DDX3X: variants seen among roughly 807,000 people sequenced by gnomAD.
DDX3X encodes DEAD-box helicase 3 X-linked.
DDX3X carries 4 observed loss-of-function variants against 52.7 expected under a neutral mutation model. The ratio of observed to expected loss-of-function variants is 0.08; its 90% CI spans 0.04 to 0.17. The LOEUF (loss-of-function observed/expected upper bound fraction) is 0.17, where lower values mean the gene tolerates loss of function less well. Among genes scored for constraint, DDX3X ranks in the 10% least tolerant of loss-of-function variants. The pLI, the probability that DDX3X is intolerant of heterozygous loss-of-function variation, is 1.00. For synonymous variants in DDX3X, 192 were observed against 178.1 expected (o/e 1.08, Z -0.62); for missense variants, 222 against 548.6 (o/e 0.40, Z 5.95).
chrX:41,355,645 C>CTTTTTT (rs36111286), intron 5 of DDX3X, among the ~76,000 whole-genome samples: 2 of 85,779 alleles, frequency 2.3e-5, no homozygotes, highest in African/African-American at 4.3e-5. Context: ...TTTTCTTTTT[C>CTTTTTT]TTTTTTTTTT....
chrX:41,334,046 G>A (rs1055554011), upstream of DDX3X: 13 of 431,234 alleles, frequency 3.0e-5, no homozygotes, highest in African/African-American at 5.0e-5. Context: ...GCAGTAGCCG[G>A]GCAGAAGTCG....
At chrX:41,335,520 C>A (rs775234612) in intron 1 of DDX3X, 1 of 110,973 alleles carries the variant, frequency 9.0e-6, no homozygotes, top group Non-Finnish European at 1.9e-5. Context: ...AAGTCTGCAT[C>A]CCACCGCAAC....
chrX:41,347,076 C>G (rs2063935539), intron 15 of DDX3X, 64 bp downstream of exon 15: 11 of 1,076,861 alleles, frequency 1.0e-5, no homozygotes, highest in Non-Finnish European at 1.4e-5. Flanking sequence ...AGTGTTTCCT[C>G]TGCATGCATA....
downstream of DDX3X, chrX:41,350,537 G>A (rs1039497310): frequency 1.8e-5 from 2 of 111,665 alleles, no homozygotes; most frequent in African/African-American, 3.3e-5. Context: ...TATTATGAAG[G>A]ATGGTTGAAC....
intron 5 of DDX3X, among the ~76,000 whole-genome samples, chrX:41,356,439 G>A (rs1312925007): frequency 3.9e-5 from 4 of 103,080 alleles, no homozygotes; most frequent in Non-Finnish European, 5.9e-5. Context: ...GAGCCACCTC[G>A]CCTGGCCAGT....
At chrX:41,361,997 C>T (rs1166191593) in intron 5 of DDX3X, among the ~76,000 whole-genome samples, 2 of 110,328 alleles carry the variant, frequency 1.8e-5, no homozygotes, top group Non-Finnish European at 3.8e-5. Flanking sequence ...TCTCTCATAC[C>T]ACTTGTCATT....
chrX:41,336,609 A>C (rs1331497078), intron 1 of DDX3X: 1 of 111,501 alleles, frequency 9.0e-6, no homozygotes, highest in Non-Finnish European at 1.9e-5. Context: ...ATCTCTACTA[A>C]AAGTACAAAA....
chrX:41,347,592 T>C, intron 16 of DDX3X, 48 bp from the exon 17 acceptor site: 1 of 1,137,836 alleles, frequency 8.8e-7, no homozygotes, highest in Non-Finnish European at 1.2e-6. Flanking sequence ...TTGTATTTAA[T>C]GATGGATAAC....
chrX:41,334,870 G>A, intron 1 of DDX3X: 1 of 564,886 alleles, frequency 1.8e-6, no homozygotes, highest in Non-Finnish European at 2.3e-6. Flanking sequence ...GCTCACCTCC[G>A]GGAGACGGCG....
At chrX:41,356,743 G>A (rs534288401) in intron 5 of DDX3X, among the ~76,000 whole-genome samples, 1,312 of 109,949 alleles carry the variant, frequency 0.012, 14 homozygotes, top group African/African-American at 0.016. Context: ...GATTACGGGC[G>A]TGAGCCACCG....
chrX:41,339,179 C>T, intron 3 of DDX3X, 96 bp downstream of exon 3: 1 of 410,941 alleles, frequency 2.4e-6, no homozygotes, highest in Non-Finnish European at 4.1e-6. Flanking sequence ...GAGGTCTAAA[C>T]ATGGTGTTGT....
intron 5 of DDX3X, among the ~76,000 whole-genome samples, chrX:41,362,660 ACTACT>A (rs2064033951): frequency 8.9e-6 from 1 of 111,815 alleles, no homozygotes; most frequent in African/African-American, 3.2e-5. Context: ...TCCTTAACTA[ACTACT>A]CTAATTATAA....
chrX:41,334,580 C>A (rs1374556344), intron 1 of DDX3X: 61 of 1,081,766 alleles, frequency 5.6e-5, no homozygotes, highest in Non-Finnish European at 7.2e-5. Context: ...CGCGCGCTCT[C>A]GCGGGGACGC....
At chrX:41,338,272 A>T (rs747539226) in intron 2 of DDX3X, 1 of 111,133 alleles carries the variant, frequency 9.0e-6, no homozygotes, top group East Asian at 2.8e-4. Context: ...TTTTTAGGCA[A>T]GAACAGCTTC....
At chrX:41,334,150 G>A, upstream of DDX3X, 1 of 861,695 alleles carries the variant, frequency 1.2e-6, no homozygotes, top group Admixed American at 2.8e-5. Context: ...CCGTGGCCGC[G>A]CGGTGCGCTC....
At chrX:41,342,923 C>A in intron 6 of DDX3X, 87 bp downstream of exon 6, 1 of 768,613 alleles carries the variant, frequency 1.3e-6, no homozygotes, top group South Asian at 2.3e-5. Context: ...TTCATAAAGT[C>A]ATGTAGACCA....
chrX:41,339,820 A>T (rs1480986803), intron 3 of DDX3X: 1 of 110,164 alleles, frequency 9.1e-6, no homozygotes, highest in Non-Finnish European at 1.9e-5. Flanking sequence ...CTGTTCCTCC[A>T]TCTCCATATG....
At position 41,334,761 on chromosome X, in the gene DDX3X, G is replaced by A. The variant is rs758983200; in HGVS notation, c.45+464G>A. 1.0e-5 allele frequency: 10 copies of A among 964,608 alleles called. No homozygotes were observed. The South Asian group carries it at 2.1e-4, about 20-fold the overall frequency. The allele number at this position is 964,608 out of a possible 1,213,427, so 79.5% of individuals were successfully genotyped here. A position where few individuals can be genotyped will look rare whatever the true frequency, so the allele number is the denominator to read the frequency against. On this transcript the variant is annotated intron_variant, in intron 1 of 16. Coordinates refer to ENST00000644876, the MANE Select transcript of DDX3X (RefSeq NM_001356.5). ...CGGCACCCGGTGTTTGCGTGCCTGC[G>A]AGCAAGGGGTAGAACGCGGCCCAGG...
intron 1 of DDX3X, 31 bp from the exon 2 acceptor site, chrX:41,337,377 A>T: frequency 2.6e-6 from 3 of 1,176,085 alleles, no homozygotes; most frequent in South Asian, 1.8e-5. Flanking sequence ...ATTTGAGCAC[A>T]TGGGGTGCTA....
Sources: gnomAD v4.1 joint callset for allele counts (sites outside exome capture counted in the v4.1 genomes callset) on GRCh38, gnomAD v4.1.1 for gene constraint, MANE v1.5 for transcripts, NCBI Gene and HGNC (gene_info 2026-07-23, HGNC 2026-07-21) for gene names.